KCNMB2: variants seen among roughly 807,000 people sequenced by gnomAD.
KCNMB2 encodes calcium-activated potassium channel subunit beta-2.
A neutral mutation model predicts 24.5 loss-of-function variants in KCNMB2; 9 were observed. That is an observed-to-expected ratio of 0.37 (90% CI 0.22 to 0.64). KCNMB2 has a LOEUF of 0.64. KCNMB2 is among the 30% of genes least tolerant of loss of function. The pLI is 0.63. For missense variants in KCNMB2, 226 were observed against 284.3 expected (o/e 0.79, Z 1.47); for synonymous variants, 109 against 104.4 (o/e 1.04, Z -0.27).
chr3:178,564,884 T>C (rs779047882), intron 1 of KCNMB2, among the ~76,000 whole-genome samples: 14 of 152,208 alleles, frequency 9.2e-5, no homozygotes, highest in Admixed American at 1.3e-4. Context: ...GCAGCATTAT[T>C]TGTAATATTA....
In KCNMB2 at chr3:178,755,418, T is replaced by C. The variant is rs567062332; in HGVS notation, c.-67-51925T>C. 3.3e-5 allele frequency among the ~76,000 whole-genome samples: 5 copies of C among 152,348 alleles called. No individual in the cohort carries two copies. In the East Asian group the frequency reaches 7.7e-4, roughly 23 times the overall value. On this transcript the variant is annotated intron_variant, in intron 1 of 4. Transcript: ENST00000452583. ...CAGTTGTGATCTGTTTCAATTTTTG[T>C]TTAAAGCTTAATGTAGAGTAGGAAA...
intron 1 of KCNMB2, among the ~76,000 whole-genome samples, chr3:178,772,620 G>A (rs1712420509): frequency 6.6e-6 from 1 of 152,138 alleles, no homozygotes; most frequent in African/African-American, 2.4e-5. Context: ...TCTCAGGTAT[G>A]TCTTTATCAG....
chr3:178,642,669 T>C (rs1719768624), intron 1 of KCNMB2, among the ~76,000 whole-genome samples: 1 of 152,240 alleles, frequency 6.6e-6, no homozygotes, highest in Non-Finnish European at 1.5e-5. Context: ...AATTTTTTGT[T>C]AAACTCCATT....
At chr3:178,751,132 T>A (rs1395578659) in intron 1 of KCNMB2, among the ~76,000 whole-genome samples, 2 of 152,110 alleles carry the variant, frequency 1.3e-5, no homozygotes, top group African/African-American at 4.8e-5. Flanking sequence ...ATTTATTGAG[T>A]CAACAAATAC....
chr3:178,602,615 G>A (rs1193442602), intron 1 of KCNMB2, among the ~76,000 whole-genome samples: 1 of 152,046 alleles, frequency 6.6e-6, no homozygotes, highest in Non-Finnish European at 1.5e-5. Flanking sequence ...GAGGGACAAG[G>A]AGGAGCCAGC....
chr3:178,627,253 T>C lies in KCNMB2; in HGVS notation c.-68+90542T>C, dbSNP rs529022665. Reference sequence around the variant, plus strand: ...CTTACATTTTGGTTATCTGGTAATATTTTTCCTTAAATGTACAACTACAAA... The same window carrying C: ...CTTACATTTTGGTTATCTGGTAATACTTTTCCTTAAATGTACAACTACAAA... On this transcript the variant is annotated intron_variant, in intron 1 of 4. Transcript: ENST00000452583. 2.6e-5 allele frequency among the ~76,000 whole-genome samples: 4 copies of C among 152,326 alleles called. No homozygotes were observed. In the South Asian group the frequency reaches 6.2e-4, roughly 24 times the overall value.
intron 1 of KCNMB2, among the ~76,000 whole-genome samples, chr3:178,725,190 T>C (rs1219196674): frequency 6.6e-6 from 1 of 152,124 alleles, no homozygotes; most frequent in African/African-American, 2.4e-5. Flanking sequence ...CTGATTTGTT[T>C]AGGCAATGTT....
intron 1 of KCNMB2, among the ~76,000 whole-genome samples, chr3:178,718,354 T>C (rs1017786960): frequency 2.4e-4 from 36 of 152,230 alleles, no homozygotes; most frequent in Admixed American, 4.6e-4. Context: ...ACCAAGTCCC[T>C]GAGTTTTTTT....
chr3:178,610,807 C>G (rs1275424789), intron 1 of KCNMB2, among the ~76,000 whole-genome samples: 6 of 152,206 alleles, frequency 3.9e-5, no homozygotes, highest in Non-Finnish European at 7.3e-5. Context: ...TGTCGTGTTC[C>G]AGATCTTAGA....
chr3:178,776,333 G>C (rs942243975), intron 1 of KCNMB2, among the ~76,000 whole-genome samples: 5 of 152,006 alleles, frequency 3.3e-5, no homozygotes, highest in Non-Finnish European at 5.9e-5. Flanking sequence ...ATCAAGCCCT[G>C]ACCCTATATC....
intron 1 of KCNMB2, among the ~76,000 whole-genome samples, chr3:178,779,602 G>A (rs947441485): frequency 6.6e-6 from 1 of 152,138 alleles, no homozygotes; most frequent in Non-Finnish European, 1.5e-5. Flanking sequence ...ACTTTGTAGT[G>A]TAGAGTTTCT....
chr3:178,659,850 A>T (rs1720465116), intron 1 of KCNMB2, among the ~76,000 whole-genome samples: 1 of 152,156 alleles, frequency 6.6e-6, no homozygotes, highest in South Asian at 2.1e-4. Flanking sequence ...TACTATTATT[A>T]TTATTATTAT....
At chr3:178,701,114 A>G (rs1722076475) in intron 1 of KCNMB2, among the ~76,000 whole-genome samples, 1 of 152,222 alleles carries the variant, frequency 6.6e-6, no homozygotes, top group Admixed American at 6.5e-5. Flanking sequence ...CCTTTAATCC[A>G]TCTTGAATTA....
Position 178,708,655 on chromosome 3 carries a change from T to C in KCNMB2, c.-67-98688T>C, listed in dbSNP as rs534793585. The stretch of plus-strand genomic sequence containing the variant: ...TACAACTTATTGAGTGCTCCCTCTA[T>C]ACCATGAGCTATGTTGATCCCTTTA... On this transcript the variant is annotated intron_variant, in intron 1 of 4. Coordinates refer to ENST00000452583, the MANE Select transcript of KCNMB2 (RefSeq NM_181361.3). 2.6e-5 allele frequency among the ~76,000 whole-genome samples: 4 copies of C among 152,244 alleles called. No individual in the cohort carries two copies. The East Asian group carries it at 7.7e-4, about 29-fold the overall frequency.
At chr3:178,697,097 G>C (rs1360809452) in intron 1 of KCNMB2, among the ~76,000 whole-genome samples, 4 of 152,164 alleles carry the variant, frequency 2.6e-5, no homozygotes, top group African/African-American at 9.7e-5. Context: ...GGGGTGAAGA[G>C]TTCTGTAGAT....
chr3:178,550,756 A>G (rs1715924876), intron 1 of KCNMB2, among the ~76,000 whole-genome samples: 1 of 152,166 alleles, frequency 6.6e-6, no homozygotes, highest in Non-Finnish European at 1.5e-5. Flanking sequence ...AGAAGTTAGC[A>G]TCTCGGTGCC....
intron 1 of KCNMB2, among the ~76,000 whole-genome samples, chr3:178,703,515 C>A (rs544327429): frequency 7.5e-6 from 1 of 133,534 alleles, no homozygotes; most frequent in African/African-American, 3.1e-5. Context: ...ACCCACCCCC[C>A]CAAAAAAAGT....
intron 1 of KCNMB2, among the ~76,000 whole-genome samples, chr3:178,756,235 G>GGTGT (rs140203491): frequency 8.1e-5 from 12 of 149,024 alleles, no homozygotes; most frequent in East Asian, 3.9e-4. Flanking sequence ...TGTGGGTGTG[G>GGTGT]GTGTGTGTGT....
intron 1 of KCNMB2, among the ~76,000 whole-genome samples, chr3:178,665,792 C>G (rs554883191): frequency 2.0e-5 from 3 of 152,186 alleles, no homozygotes; most frequent in African/African-American, 7.2e-5. Context: ...AATGTGTGAA[C>G]AAATAAATAT....
Sources: gnomAD v4.1 joint callset for allele counts (sites outside exome capture counted in the v4.1 genomes callset) on GRCh38, gnomAD v4.1.1 for gene constraint, MANE v1.5 for transcripts, NCBI Gene and HGNC (gene_info 2026-07-23, HGNC 2026-07-21) for gene names.